The following OR2L13 variants were observed in gnomAD, a reference collection of about 807,000 sequenced individuals.
OR2L13 encodes olfactory receptor 2L13.
Under a neutral mutation model 15.3 loss-of-function variants are expected in OR2L13, and 14 were observed. The ratio of observed to expected loss-of-function variants is 0.91; its 90% confidence interval spans 0.60 to 1.43. The LOEUF is 1.43. Among genes scored for constraint, OR2L13 ranks in the 40% most tolerant of loss-of-function variants. The pLI is 0.00. For missense variants in OR2L13, 367 were observed against 387.9 expected (o/e 0.95, Z 0.45); for synonymous variants, 152 against 142.9 (o/e 1.06, Z -0.45).
the OR2L13 span, chr1:247,990,742 A>G: frequency 6.3e-7 from 1 of 1,586,932 alleles, no homozygotes; most frequent in African/African-American, 1.3e-5. Context: ...TTGTGCTCAC[A>G]CGGTATATGC....
At chr1:248,038,905 T>C in the OR2L13 span, 1 of 1,614,148 alleles carries the variant, frequency 6.2e-7, no homozygotes, top group Non-Finnish European at 8.5e-7. Flanking sequence ...TTCACTGGTA[T>C]TGCATGTTCC....
chr1:247,990,821 C>T, the OR2L13 span: 1 of 1,598,608 alleles, frequency 6.3e-7, no homozygotes, highest in Non-Finnish European at 8.6e-7. Context: ...GCTATGTTGA[C>T]CCTAGCCTGC....
At chr1:247,992,640 C>T in the OR2L13 span, among the ~76,000 whole-genome samples, 1 of 152,278 alleles carries the variant, frequency 6.6e-6, no homozygotes, top group East Asian at 1.9e-4. Context: ...GTTTGTTCTT[C>T]CTCAGTCAAT....
At chr1:248,055,553 C>T in the OR2L13 span, among the ~76,000 whole-genome samples, 3 of 152,092 alleles carry the variant, frequency 2.0e-5, no homozygotes, top group Admixed American at 2.0e-4. Context: ...GTCTGGAGTT[C>T]GAGACCAGCC....
At chr1:247,960,058 C>T in the OR2L13 span, among the ~76,000 whole-genome samples, 2 of 152,150 alleles carry the variant, frequency 1.3e-5, no homozygotes, top group South Asian at 2.1e-4. Flanking sequence ...GTTTTTTCCC[C>T]ATCTTTGTGG....
At chr1:248,065,816 ATGTTTAT>A in the OR2L13 span, among the ~76,000 whole-genome samples, 2 of 152,106 alleles carry the variant, frequency 1.3e-5, no homozygotes, top group Middle Eastern at 3.4e-3. Context: ...CTGAGTCAGC[ATGTTTAT>A]TAGTCTGAGC....
chr1:248,019,717 G>C, the OR2L13 span, among the ~76,000 whole-genome samples: 1 of 150,722 alleles, frequency 6.6e-6, no homozygotes. Context: ...TTTCCTCCTC[G>C]TCCTCCTCCT....
chr1:248,032,499 A>G, the OR2L13 span, among the ~76,000 whole-genome samples: 1 of 152,060 alleles, frequency 6.6e-6, no homozygotes, highest in African/African-American at 2.4e-5. Context: ...TTCTCTACAC[A>G]ATTATTCTCC....
At chr1:248,011,484 G>A in the OR2L13 span, among the ~76,000 whole-genome samples, 38 of 152,180 alleles carry the variant, frequency 2.5e-4, no homozygotes, top group African/African-American at 7.9e-4. Flanking sequence ...TCCTGAATTT[G>A]AATGTTGGTC....
chr1:247,938,986 A>G, the OR2L13 span: 1 of 152,166 alleles, frequency 6.6e-6, no homozygotes, highest in Non-Finnish European at 1.5e-5. Context: ...GTGGCAATTC[A>G]TTTGAGAAGA....
chr1:247,938,693 T>G, the OR2L13 span, among the ~76,000 whole-genome samples: 1 of 152,172 alleles, frequency 6.6e-6, no homozygotes, highest in African/African-American at 2.4e-5. Flanking sequence ...CATATATTTT[T>G]CTTAATAAAG....
chr1:248,016,815 G>A, the OR2L13 span, among the ~76,000 whole-genome samples: 10,565 of 151,954 alleles, frequency 0.07, 420 homozygotes, highest in East Asian at 0.16. Flanking sequence ...GTAAATATAG[G>A]CATATGTGTG....
the OR2L13 span, among the ~76,000 whole-genome samples, chr1:247,980,257 G>C: frequency 5.3e-5 from 8 of 151,836 alleles, no homozygotes; most frequent in East Asian, 9.6e-4. Context: ...AATTTAATGG[G>C]CATTTCCAGA....
At chr1:247,965,264 G>A in the OR2L13 span, 7 of 1,292,750 alleles carry the variant, frequency 5.4e-6, no homozygotes, top group Non-Finnish European at 7.3e-6. Flanking sequence ...TGCCAAACAT[G>A]TAAGTGAATA....
chr1:248,004,783 G>T, the OR2L13 span, among the ~76,000 whole-genome samples: 4 of 152,226 alleles, frequency 2.6e-5, no homozygotes, highest in African/African-American at 9.6e-5. Context: ...TATGGTATAA[G>T]AATTGGGAGT....
chr1:248,003,001 G>A, the OR2L13 span: 1 of 620,218 alleles, frequency 1.6e-6, no homozygotes, highest in Non-Finnish European at 2.9e-6. Context: ...TGGTTGGTAG[G>A]CTATTTATTA....
the OR2L13 span, among the ~76,000 whole-genome samples, chr1:248,075,954 T>A: frequency 6.6e-6 from 1 of 152,160 alleles, no homozygotes; most frequent in Non-Finnish European, 1.5e-5. Context: ...ATTGCCTAGG[T>A]TTTCTTCTAG....
At chr1:248,090,834 A>G (rs1009227021), upstream of OR2L13, among the ~76,000 whole-genome samples, 15 of 152,160 alleles carry the variant, frequency 9.9e-5, 1 homozygote, top group Non-Finnish European at 2.2e-4. Context: ...ATGGTAGTTC[A>G]GTTTTAAGTT....
chr1:248,008,063 G>A, the OR2L13 span, among the ~76,000 whole-genome samples: 18 of 152,252 alleles, frequency 1.2e-4, no homozygotes, highest in African/African-American at 3.6e-4. Flanking sequence ...TCTGCATGCA[G>A]CAAGCTATAA....
Sources: gnomAD v4.1 joint callset for allele counts (sites outside exome capture counted in the v4.1 genomes callset) on GRCh38, gnomAD v4.1.1 for gene constraint, MANE v1.5 for transcripts, NCBI Gene and HGNC (gene_info 2026-07-23, HGNC 2026-07-21) for gene names.